Variants in TDRD12 observed in about 807,000 individuals in gnomAD.
TDRD12 encodes the protein putative ATP-dependent RNA helicase TDRD12.
A neutral mutation model predicts 133.5 loss-of-function variants in TDRD12; 158 were observed. The observed-to-expected ratio is 1.18, with a 90% CI of 1.04 to 1.35. The LOEUF (loss-of-function observed/expected upper bound fraction) is 1.35, where lower values mean the gene tolerates loss of function less well. TDRD12 is among the 40% of genes most tolerant of loss of function. TDRD12 has a pLI of 0.00. For missense variants in TDRD12, 1,443 were observed against 1,321.3 expected (o/e 1.09, Z -1.43); for synonymous variants, 460 against 477.9 (o/e 0.96, Z 0.49).
chr19:32,813,751 G>A (rs1258683394), exon 25 of TDRD12: 6 of 1,534,348 alleles, frequency 3.9e-6, no homozygotes, highest in Non-Finnish European at 5.2e-6. Context: ...CTGGCTTTGG[G>A]AAATACAGTT....
intron 17 of TDRD12, 51 bp from the exon 18 acceptor site, chr19:32,800,593 G>A: frequency 6.8e-7 from 1 of 1,468,806 alleles, no homozygotes; most frequent in Non-Finnish European, 9.0e-7. Context: ...AAGTGGATCT[G>A]GAGCACCTAA....
intron 1 of TDRD12, among the ~76,000 whole-genome samples, chr19:32,726,827 T>A (rs1012408208): frequency 2.0e-5 from 3 of 152,172 alleles, no homozygotes; most frequent in Non-Finnish European, 2.9e-5. Context: ...ACATTTTGCT[T>A]ATCCATTTAT....
At chr19:32,754,066 G>T (rs1438754642) in intron 6 of TDRD12, among the ~76,000 whole-genome samples, 2 of 151,884 alleles carry the variant, frequency 1.3e-5, no homozygotes, top group Non-Finnish European at 2.9e-5. Context: ...TTTGTAATGG[G>T]GTTCATTTGT....
chr19:32,771,314 G>A (rs1053972814), intron 8 of TDRD12, among the ~76,000 whole-genome samples: 1 of 152,124 alleles, frequency 6.6e-6, no homozygotes, highest in African/African-American at 2.4e-5. Context: ...GGGACTACAG[G>A]TGTGCGTCAC....
rs531056209 is a variant in TDRD12, at chr19:32,727,829, C to T, written c.25-3896C>T. ...GATTACGGGCATGTACCACCACACC[C>T]GGCTAATTTTGTATTTTTAGTAGAG... On this transcript the variant is annotated intron_variant, in intron 1 of 27. Transcript: ENST00000444215. Among the ~76,000 whole-genome samples the T allele has an allele frequency of 4.8e-4, 73 of 152,142 alleles. No homozygotes were observed. The South Asian group carries it at 0.014, about 28-fold the overall frequency.
At chr19:32,779,959 A>G (rs1193829628) in intron 11 of TDRD12, among the ~76,000 whole-genome samples, 1 of 151,754 alleles carries the variant, frequency 6.6e-6, no homozygotes, top group Non-Finnish European at 1.5e-5. Flanking sequence ...CCTCTTGCCT[A>G]CTGTGATATT....
rs1459379420 is a variant in TDRD12, at chr19:32,793,872, A to T, written c.1288-756A>T. Among the ~76,000 whole-genome samples, 4 of 133,146 alleles carry T rather than the reference A, an allele frequency of 3.0e-5. No individual in the cohort carries two copies. In the East Asian group the frequency reaches 6.9e-4, roughly 23 times the overall value. 87.3% of individuals were successfully genotyped at this position (133,146 alleles called of 152,430 possible). On this transcript the variant is annotated intron_variant, in intron 13 of 27. Transcript: ENST00000444215. ...TGCAATGGCATGATCTCGGCTCACCACAACCTGTGCCTCCCGGGTTCAAGT... is the reference window on the plus strand; with the variant it reads ...TGCAATGGCATGATCTCGGCTCACCTCAACCTGTGCCTCCCGGGTTCAAGT...
intron 11 of TDRD12, among the ~76,000 whole-genome samples, chr19:32,779,314 C>T (rs1411358877): frequency 6.6e-6 from 1 of 152,162 alleles, no homozygotes; most frequent in Non-Finnish European, 1.5e-5. Flanking sequence ...CTTTTCCTGT[C>T]TTTTTGTCTC....
intron 8 of TDRD12, among the ~76,000 whole-genome samples, chr19:32,759,007 C>T (rs892343975): frequency 1.3e-5 from 2 of 151,648 alleles, no homozygotes; most frequent in African/African-American, 2.4e-5. Context: ...TTTGGGAGAC[C>T]GACACAGGTG....
chr19:32,767,166 T>C (rs1024118937), intron 8 of TDRD12, among the ~76,000 whole-genome samples: 1 of 151,566 alleles, frequency 6.6e-6, no homozygotes, highest in Non-Finnish European at 1.5e-5. Flanking sequence ...TTTGCTCTTA[T>C]TGCCCAGGCT....
intron 8 of TDRD12, among the ~76,000 whole-genome samples, chr19:32,763,091 C>A (rs1970196262): frequency 1.3e-5 from 2 of 152,258 alleles, no homozygotes; most frequent in East Asian, 1.9e-4. Flanking sequence ...TCTTATGAGA[C>A]CACCATCGTA....
At chr19:32,728,679 C>T (rs1479150473) in intron 1 of TDRD12, among the ~76,000 whole-genome samples, 2 of 136,058 alleles carry the variant, frequency 1.5e-5, no homozygotes, top group East Asian at 2.2e-4. Flanking sequence ...GAGTCTCACT[C>T]TTGTTGCCCA....
At chr19:32,816,197 T>A (rs989321105) in intron 26 of TDRD12, among the ~76,000 whole-genome samples, 3 of 152,178 alleles carry the variant, frequency 2.0e-5, no homozygotes, top group Admixed American at 1.3e-4. Flanking sequence ...TAACTTTTTC[T>A]TGACAAATAA....
intron 10 of TDRD12, among the ~76,000 whole-genome samples, chr19:32,774,815 T>G (rs1338146918): frequency 2.0e-5 from 3 of 151,974 alleles, no homozygotes; most frequent in Admixed American, 2.0e-4. Context: ...AAACCCCATC[T>G]CTACTGAAAA....
At chr19:32,790,830 T>C in intron 12 of TDRD12, 134 bp from the exon 13 acceptor site, 2 of 1,459,174 alleles carry the variant, frequency 1.4e-6, no homozygotes, top group Non-Finnish European at 1.8e-6. Flanking sequence ...TTTTTTTTCT[T>C]TTTTTTTAAG....
intron 5 of TDRD12, among the ~76,000 whole-genome samples, chr19:32,748,982 TC>T (rs973688375): frequency 9.2e-5 from 14 of 152,226 alleles, no homozygotes; most frequent in African/African-American, 3.4e-4. Context: ...TTATTTTATA[TC>T]AGTGACTATA....
At chr19:32,753,510 CT>C (rs748218766) in intron 6 of TDRD12, among the ~76,000 whole-genome samples, 6 of 148,380 alleles carry the variant, frequency 4.0e-5, no homozygotes, top group South Asian at 2.2e-4. Context: ...GCCTCTTATT[CT>C]TTTTTTTTTC....
intron 9 of TDRD12, 62 bp from the exon 10 acceptor site, chr19:32,773,394 A>T (rs1970491361): frequency 6.9e-7 from 1 of 1,450,512 alleles, no homozygotes; most frequent in Non-Finnish European, 9.5e-7. Flanking sequence ...TTTGGTTCCA[A>T]AAGAATGTAT....
In TDRD12 at chr19:32,821,148, T is replaced by C. The variant is rs796898869; in HGVS notation, c.3499T>C (p.Leu1167=). 3.9e-6 allele frequency: 6 copies of C among 1,532,300 alleles called. No individual in the cohort carries two copies. The African/African-American group carries it at 6.8e-5, about 17-fold the overall frequency. 94.9% of individuals were successfully genotyped at this position (1,532,300 alleles called of 1,614,324 possible). A position where few individuals can be genotyped will look rare whatever the true frequency, so the allele number is the denominator to read the frequency against. The stretch of plus-strand genomic sequence containing the variant: ...AGAAAACCAGAAGCCTGGTGGGTAC[T>C]TGGTATTCAAAAGATGGTTAAGTTC... Residue 1167 remains leucine, a synonymous_variant, in exon 28 of 28, where the codon TTG becomes CTG. Coordinates refer to ENST00000444215, the Ensembl canonical transcript of TDRD12.
Sources: allele counts gnomAD v4.1 joint callset (sites outside exome capture counted in the v4.1 genomes callset), GRCh38; gene constraint gnomAD v4.1.1; transcripts MANE v1.5; gene names NCBI Gene and HGNC (gene_info 2026-07-23, HGNC 2026-07-21).